Variants in FHOD3 observed in about 807,000 individuals in gnomAD.
FHOD3 encodes the protein formin homology 2 domain containing 3.
In FHOD3, 90 loss-of-function variants were observed where a neutral mutation model predicts 173.0. That is an observed-to-expected ratio of 0.52 (90% CI 0.44 to 0.62). The LOEUF is 0.62. FHOD3 is among the 20% of genes least tolerant of loss of function. FHOD3 has a pLI of 0.00. For missense variants in FHOD3, 1,945 were observed against 2,034.7 expected (o/e 0.96, Z 0.85); for synonymous variants, 828 against 823.0 (o/e 1.01, Z -0.10).
intron 5 of FHOD3, among the ~76,000 whole-genome samples, chr18:36,516,490 G>A (rs1201352622): frequency 6.6e-6 from 1 of 152,188 alleles, no homozygotes; most frequent in African/African-American, 2.4e-5. Context: ...GTGTATAGTA[G>A]CCCAAGGTGT....
At chr18:36,501,749 C>T (rs1433069816) in intron 3 of FHOD3, among the ~76,000 whole-genome samples, 183 bp from the exon 4 acceptor site, 1 of 152,154 alleles carries the variant, frequency 6.6e-6, no homozygotes, top group Non-Finnish European at 1.5e-5. Context: ...CCACCTGTCA[C>T]ACACCAGATA....
At chr18:36,444,192 C>CA (rs71168225) in intron 3 of FHOD3, among the ~76,000 whole-genome samples, 65,583 of 87,924 alleles carry the variant, frequency 0.75, 23,920 homozygotes, top group African/African-American at 0.78. Flanking sequence ...GACTCCGTCT[C>CA]AAAAAAAAAA....
intron 19 of FHOD3, among the ~76,000 whole-genome samples, chr18:36,729,292 G>A (rs1184375263): frequency 2.0e-5 from 3 of 152,326 alleles, no homozygotes; most frequent in South Asian, 4.1e-4. Flanking sequence ...CAAGAGCAGG[G>A]AGCTTGTGGA....
chr18:36,319,340 G>A (rs560373193), intron 1 of FHOD3, among the ~76,000 whole-genome samples: 1 of 152,292 alleles, frequency 6.6e-6, no homozygotes, highest in South Asian at 2.1e-4. Flanking sequence ...TGCAATCCTA[G>A]TCTCTGATAA....
chr18:36,750,236 C>T (rs187385753), intron 24 of FHOD3, among the ~76,000 whole-genome samples: 17 of 152,112 alleles, frequency 1.1e-4, no homozygotes, highest in African/African-American at 3.1e-4. Flanking sequence ...TGCAGTGAGC[C>T]GAGACAGTGC....
intron 1 of FHOD3, among the ~76,000 whole-genome samples, chr18:36,339,785 T>C (rs2045519082): frequency 6.6e-6 from 1 of 152,132 alleles, no homozygotes; most frequent in African/African-American, 2.4e-5. Context: ...GAAAGTACAA[T>C]AGTAAATAGC....
intron 14 of FHOD3, among the ~76,000 whole-genome samples, chr18:36,674,244 TCACAGC>T (rs1489061091): frequency 1.3e-5 from 2 of 152,220 alleles, no homozygotes; most frequent in African/African-American, 4.8e-5. Flanking sequence ...GTGTTTTCTG[TCACAGC>T]CTCAGTGCAG....
At chr18:36,590,314 G>A (rs759418311) in intron 6 of FHOD3, among the ~76,000 whole-genome samples, 1 of 152,138 alleles carries the variant, frequency 6.6e-6, no homozygotes, top group African/African-American at 2.4e-5. Flanking sequence ...GCTTCCAAGG[G>A]TTTTGACTGC....
chr18:36,703,935 C>T (rs903989490), intron 17 of FHOD3, among the ~76,000 whole-genome samples: 1 of 152,150 alleles, frequency 6.6e-6, no homozygotes, highest in African/African-American at 2.4e-5. Flanking sequence ...TTTCCCAAAC[C>T]CCACTCACTC....
intron 2 of FHOD3, among the ~76,000 whole-genome samples, chr18:36,356,268 TA>T (rs2046356237): frequency 6.6e-6 from 1 of 152,258 alleles, no homozygotes; most frequent in African/African-American, 2.4e-5. Context: ...AATTATTAAT[TA>T]TGTTAATGTC....
intron 1 of FHOD3, among the ~76,000 whole-genome samples, chr18:36,314,377 G>A (rs1396245579): frequency 6.6e-6 from 1 of 152,182 alleles, no homozygotes; most frequent in African/African-American, 2.4e-5. Flanking sequence ...TAGCAAAATG[G>A]TGTAAACAAG....
At chr18:36,604,023 T>C (rs1200132809) in intron 8 of FHOD3, among the ~76,000 whole-genome samples, 1 of 152,162 alleles carries the variant, frequency 6.6e-6, no homozygotes, top group Non-Finnish European at 1.5e-5. Context: ...GTTGCGTCCC[T>C]CCCTGATCAC....
chr18:36,723,357 T>C (rs769072299), intron 19 of FHOD3, among the ~76,000 whole-genome samples: 14 of 152,288 alleles, frequency 9.2e-5, no homozygotes, highest in Non-Finnish European at 1.8e-4. Context: ...TTTTTGTTTT[T>C]CATTTTAGGG....
intron 20 of FHOD3, among the ~76,000 whole-genome samples, chr18:36,737,236 A>G (rs1266986121): frequency 1.3e-5 from 2 of 152,262 alleles, no homozygotes; most frequent in African/African-American, 4.8e-5. Flanking sequence ...TTCTCAAAGG[A>G]ACAAAGCAAC....
At chr18:36,449,936 C>G (rs951205681) in intron 3 of FHOD3, among the ~76,000 whole-genome samples, 1 of 151,798 alleles carries the variant, frequency 6.6e-6, no homozygotes, top group African/African-American at 2.4e-5. Flanking sequence ...AAAAAAAATT[C>G]AGTAGGTTTT....
At chr18:36,521,748 G>A (rs374303677) in intron 5 of FHOD3, among the ~76,000 whole-genome samples, 3 of 152,104 alleles carry the variant, frequency 2.0e-5, no homozygotes, top group African/African-American at 7.2e-5. Flanking sequence ...CTTAGTCCTT[G>A]GTTCAGCTTC....
chr18:36,346,773 C>A (rs1044187259), intron 1 of FHOD3, among the ~76,000 whole-genome samples: 1 of 152,200 alleles, frequency 6.6e-6, no homozygotes, highest in Admixed American at 6.5e-5. Context: ...ACAGCCATTC[C>A]ATTTCATGGC....
chr18:36,752,504 C>T (rs576934190), intron 24 of FHOD3, among the ~76,000 whole-genome samples: 1 of 152,272 alleles, frequency 6.6e-6, no homozygotes, highest in South Asian at 2.1e-4. Context: ...CATAACCATA[C>T]AATCTTCATA....
At chr18:36,321,790 CA>C (rs1293354948) in intron 1 of FHOD3, among the ~76,000 whole-genome samples, 1 of 152,172 alleles carries the variant, frequency 6.6e-6, no homozygotes, top group African/African-American at 2.4e-5. Flanking sequence ...GGTGAATATG[CA>C]GGGGGGGCAC....
Sources: gnomAD v4.1 joint callset for allele counts (sites outside exome capture counted in the v4.1 genomes callset) on GRCh38, gnomAD v4.1.1 for gene constraint, MANE v1.5 for transcripts, NCBI Gene and HGNC (gene_info 2026-07-23, HGNC 2026-07-21) for gene names.